CDC27: variants seen among roughly 807,000 people sequenced by gnomAD.
The protein encoded by CDC27 is cell division cycle protein 27 homolog.
A neutral mutation model predicts 109.7 loss-of-function variants in CDC27; 27 were observed. The observed-to-expected ratio is 0.25, with a 90% CI of 0.18 to 0.34. The LOEUF is 0.34. CDC27 is among the 10% of genes least tolerant of loss of function. CDC27 has a pLI of 1.00. For missense variants in CDC27, 579 were observed against 960.2 expected (o/e 0.60, Z 5.25); for synonymous variants, 266 against 333.9 (o/e 0.80, Z 2.22).
intron 14 of CDC27, 49 bp from the exon 15 acceptor site, chr17:47,132,423 G>T (rs1019573424): frequency 1.1e-6 from 1 of 880,088 alleles, no homozygotes; most frequent in Non-Finnish European, 1.7e-6. Flanking sequence ...AGTTTAGGTT[G>T]CTAATTTAGT....
At chr17:47,159,685 G>A (rs1024955891) in intron 4 of CDC27, 30 of 430,932 alleles carry the variant, frequency 7.0e-5, no homozygotes, top group African/African-American at 3.9e-4. Context: ...TGTAGTCCTC[G>A]ATGGCAACAA....
intron 2 of CDC27, among the ~76,000 whole-genome samples, chr17:47,173,691 GC>G (rs11570465): frequency 0.081 from 12,305 of 152,292 alleles, 651 homozygotes; most frequent in South Asian, 0.19. Flanking sequence ...GTGTACATGT[GC>G]GTGTGTAATT....
rs116001448 is a variant in CDC27, at chr17:47,134,088, G to A, written c.1914-1714C>T. Among the ~76,000 whole-genome samples the A allele has an allele frequency of 6.5e-3, 987 of 151,884 alleles. 19 individuals are homozygous for A. Among genetic ancestry groups the A allele is most frequent in the African/African-American group, 0.023 (945 of 41,406 alleles). ...CATATTTTTAATTTTTTGTGGAGAC[G>A]AGGTCTCACTATGTTGACCAAGCTG... On this transcript the variant is annotated intron_variant, in intron 14 of 18. Coordinates refer to ENST00000066544, the MANE Select transcript of CDC27 (RefSeq NM_001256.6).
intron 14 of CDC27, among the ~76,000 whole-genome samples, chr17:47,134,785 CTTTTTT>C (rs376654308): frequency 4.8e-5 from 6 of 125,020 alleles, no homozygotes; most frequent in African/African-American, 1.8e-4. Flanking sequence ...TAATTGTTTT[CTTTTTT>C]TTTTTTTTTT....
At chr17:47,139,934 C>T (rs1441614501) in intron 12 of CDC27, 1 of 151,282 alleles carries the variant, frequency 6.6e-6, no homozygotes, top group East Asian at 1.9e-4. Flanking sequence ...CCTAGTTTAT[C>T]AATTTACCAA....
chr17:47,129,378 A>C lies in CDC27; in HGVS notation c.2160+15T>G. 3.8e-6 allele frequency: 6 copies of C among 1,594,614 alleles called. No homozygotes were observed. The highest frequency in any genetic ancestry group is 4.3e-6 in the Non-Finnish European group (5 of 1,165,360). ...AGCAATACAACACTGAAGACCCTTA[A>C]GATATTTATCTTACCTTATATTTTT... On this transcript the variant is annotated intron_variant, in intron 16 of 18. Coordinates refer to ENST00000066544, the MANE Select transcript of CDC27 (RefSeq NM_001256.6).
chr17:47,138,961 G>A, intron 12 of CDC27, 70 bp from the exon 13 acceptor site: 1 of 1,022,154 alleles, frequency 9.8e-7, no homozygotes, highest in South Asian at 1.7e-5. Context: ...GGAAAGCCCT[G>A]GTCATTATCT....
chr17:47,147,176 G>A (rs991062203), intron 9 of CDC27, among the ~76,000 whole-genome samples: 11 of 150,886 alleles, frequency 7.3e-5, no homozygotes, highest in East Asian at 2.0e-4. Context: ...CGAGACGGGC[G>A]GATCACGAGG....
At chr17:47,130,712 C>T (rs961599638) in intron 15 of CDC27, among the ~76,000 whole-genome samples, 1 of 151,886 alleles carries the variant, frequency 6.6e-6, no homozygotes, top group African/African-American at 2.4e-5. Context: ...CCCGTCTCTA[C>T]TAAAAATACA....
At chr17:47,123,146 C>T (rs11570570) in intron 17 of CDC27, among the ~76,000 whole-genome samples, 12,543 of 152,050 alleles carry the variant, frequency 0.082, 598 homozygotes, top group African/African-American at 0.12. Flanking sequence ...TAGTAAGTTT[C>T]CAATAAATAT....
At chr17:47,180,578 T>C (rs1432566574) in intron 2 of CDC27, among the ~76,000 whole-genome samples, 1 of 151,496 alleles carries the variant, frequency 6.6e-6, no homozygotes, top group Non-Finnish European at 1.5e-5. Flanking sequence ...GTAAATTCCA[T>C]TTAAAAGTAC....
At chr17:47,175,570 C>T (rs573341666) in intron 2 of CDC27, among the ~76,000 whole-genome samples, 1 of 152,318 alleles carries the variant, frequency 6.6e-6, no homozygotes, top group East Asian at 1.9e-4. Flanking sequence ...AATCTCAGCA[C>T]TCTGGGAGGC....
intron 4 of CDC27, among the ~76,000 whole-genome samples, chr17:47,163,207 G>A (rs2063546709): frequency 6.9e-6 from 1 of 144,820 alleles, no homozygotes; most frequent in Admixed American, 7.2e-5. Flanking sequence ...AGTCTCATGT[G>A]CTGTAATAGA....
chr17:47,128,180 A>G (rs535216712), intron 16 of CDC27, among the ~76,000 whole-genome samples: 2 of 151,708 alleles, frequency 1.3e-5, no homozygotes, highest in Non-Finnish European at 2.9e-5. Flanking sequence ...ACAGGTGCAC[A>G]CCACCATGCC....
At chr17:47,129,589 G>A (rs2062256462) in intron 15 of CDC27, 68 bp from the exon 16 acceptor site, 1 of 1,089,056 alleles carries the variant, frequency 9.2e-7, no homozygotes, top group Non-Finnish European at 1.3e-6. Context: ...GAACCAACGT[G>A]ACTCAAAACC....
intron 9 of CDC27, among the ~76,000 whole-genome samples, chr17:47,144,640 T>A (rs1190310923): frequency 6.6e-6 from 1 of 152,202 alleles, no homozygotes; most frequent in Admixed American, 6.5e-5. Flanking sequence ...CCCTGAGATA[T>A]GAGAATTTCA....
chr17:47,133,187 G>A (rs2062447792), intron 14 of CDC27, among the ~76,000 whole-genome samples: 1 of 145,946 alleles, frequency 6.9e-6, no homozygotes, highest in Admixed American at 7.0e-5. Context: ...TGCCCAGGCT[G>A]GAGTGCAATG....
intron 4 of CDC27, among the ~76,000 whole-genome samples, chr17:47,162,826 A>G (rs1023770269): frequency 5.3e-5 from 8 of 152,208 alleles, no homozygotes; most frequent in African/African-American, 1.2e-4. Flanking sequence ...ATAGACCACA[A>G]AACAGAAGAA....
chr17:47,136,074 G>A (rs1267371706), intron 14 of CDC27, among the ~76,000 whole-genome samples: 1 of 152,076 alleles, frequency 6.6e-6, no homozygotes, highest in South Asian at 2.1e-4. Flanking sequence ...CCTGGGAGGC[G>A]GAGCATACAG....
Sources: allele counts gnomAD v4.1 joint callset (sites outside exome capture counted in the v4.1 genomes callset), GRCh38; gene constraint gnomAD v4.1.1; transcripts MANE v1.5; gene names NCBI Gene and HGNC (gene_info 2026-07-23, HGNC 2026-07-21).